Variants in HMCN1 observed in about 807,000 individuals in gnomAD.
HMCN1 encodes the protein hemicentin-1.
Under a neutral mutation model 625.9 loss-of-function variants are expected in HMCN1, and 321 were observed. The observed-to-expected ratio is 0.51, with a 90% CI of 0.47 to 0.56. HMCN1 has a LOEUF of 0.56. HMCN1 is among the 20% of genes least tolerant of loss of function. The probability of loss-of-function intolerance (pLI) is 0.00; values close to 1 mark genes in which losing one functional copy is unlikely to be tolerated. For synonymous variants in HMCN1, 2,425 were observed against 2,417.6 expected (o/e 1.00, Z -0.09); for missense variants, 6,588 against 6,887.3 (o/e 0.96, Z 1.54).
At chr1:185,832,082 G>A (rs1571417264) in intron 1 of HMCN1, among the ~76,000 whole-genome samples, 1 of 152,046 alleles carries the variant, frequency 6.6e-6, no homozygotes, top group African/African-American at 2.4e-5. Context: ...GATCTCTTGA[G>A]GTCGGAAGTT....
intron 1 of HMCN1, among the ~76,000 whole-genome samples, chr1:185,792,280 C>G (rs542950290): frequency 1.3e-5 from 2 of 152,134 alleles, no homozygotes; most frequent in Non-Finnish European, 2.9e-5. Flanking sequence ...ACTGTATTCC[C>G]AATCACAGAC....
At chr1:185,778,318 G>A (rs928911077) in intron 1 of HMCN1, among the ~76,000 whole-genome samples, 23 of 151,636 alleles carry the variant, frequency 1.5e-4, no homozygotes, top group African/African-American at 4.4e-4. Flanking sequence ...CCATTCCCTC[G>A]GAAAATTGTG....
Position 185,989,546 on chromosome 1 carries a change from T to C in HMCN1, c.3107T>C (p.Leu1036Pro). ...TTTTCAGCAGGAGCTGATGGTAGTCTGTATGTGGTATCACCTGGAGGAGAG... is the reference window on the plus strand; with the variant it reads ...TTTTCAGCAGGAGCTGATGGTAGTCCGTATGTGGTATCACCTGGAGGAGAG... ...AKFSAGADGSLYVVSPGGEES... is the reference protein window; with the variant it reads ...AKFSAGADGSPYVVSPGGEES... Residue 1036 changes from leucine (L) to proline (P), a missense_variant, in exon 21 of 107, where the codon CTG (leucine) becomes CCG (proline). Transcript: ENST00000271588. 3 of 1,614,070 alleles carry C rather than the reference T, an allele frequency of 1.9e-6. No homozygotes were observed. Among genetic ancestry groups the C allele is most frequent in the South Asian group, 2.2e-5 (2 of 91,078 alleles).
At chr1:185,897,810 G>A (rs1665572044) in intron 4 of HMCN1, among the ~76,000 whole-genome samples, 1 of 152,054 alleles carries the variant, frequency 6.6e-6, no homozygotes, top group South Asian at 2.1e-4. Flanking sequence ...TTGTTAGCTA[G>A]CTTTTAAGAG....
intron 10 of HMCN1, among the ~76,000 whole-genome samples, chr1:185,931,028 A>G (rs1667521188): frequency 6.6e-6 from 1 of 152,092 alleles, no homozygotes; most frequent in Non-Finnish European, 1.5e-5. Context: ...ACCTTAAATT[A>G]TAATTACAGA....
intron 4 of HMCN1, among the ~76,000 whole-genome samples, chr1:185,868,469 A>T (rs951700802): frequency 6.6e-6 from 1 of 152,086 alleles, no homozygotes; most frequent in Non-Finnish European, 1.5e-5. Context: ...TTTTCTCATG[A>T]TAGTGAGTGA....
chr1:186,170,411 C>T (rs752641352), intron 100 of HMCN1, among the ~76,000 whole-genome samples: 29 of 152,074 alleles, frequency 1.9e-4, no homozygotes, highest in Admixed American at 6.6e-4. Context: ...GATCTAGAAC[C>T]AGAAACACCA....
chr1:186,069,876 A>G, intron 51 of HMCN1, 100 bp downstream of exon 51: 1 of 760,666 alleles, frequency 1.3e-6, no homozygotes, highest in Non-Finnish European at 2.3e-6. Flanking sequence ...TATACTCACC[A>G]TTAAAGACTT....
intron 29 of HMCN1, among the ~76,000 whole-genome samples, 169 bp downstream of exon 29, chr1:186,004,013 T>C (rs1653376903): frequency 6.6e-6 from 1 of 152,158 alleles, no homozygotes; most frequent in African/African-American, 2.4e-5. Context: ...CTTGTAATTT[T>C]TTCATTCTTT....
At position 186,166,824 on chromosome 1, in the gene HMCN1, T is replaced by C; in HGVS notation, c.15456T>C (p.Ala5152=). The change falls in exon 100 of 107, where the codon GCT becomes GCC. Residue 5152 remains alanine, a synonymous_variant. Coordinates refer to ENST00000271588, the MANE Select transcript of HMCN1 (RefSeq NM_031935.3). ...CTGTTGCAGATATTGATGAGTGTGCTTTGGGTAGGCATACCTGCCACGCTG... is the reference window on the plus strand; with the variant it reads ...CTGTTGCAGATATTGATGAGTGTGCCTTGGGTAGGCATACCTGCCACGCTG... The part of the protein sequence containing the change: ...GRTCQDIDEC[A]LGRHTCHAGQ... 1 of 1,614,186 alleles carries C rather than the reference T, an allele frequency of 6.2e-7. No individual in the cohort carries two copies. The highest frequency in any genetic ancestry group is 8.5e-7 in the Non-Finnish European group (1 of 1,180,020).
rs1231659344 is a variant in HMCN1 at position 186,038,843 on chromosome 1, A to G, written c.5866A>G (p.Lys1956Glu). 4 of 1,602,138 alleles carry G rather than the reference A, an allele frequency of 2.5e-6. No individual in the cohort carries two copies. Among genetic ancestry groups the G allele is most frequent in the Non-Finnish European group, 3.4e-6 (4 of 1,169,358 alleles). The change falls in exon 38 of 107, where the codon AAA becomes GAA. Residue 1956 changes from lysine to glutamate, a missense_variant. Physicochemically the swap from Lys to Glu is moderately conservative, Grantham distance 56. Transcript: ENST00000271588. ...GNPVPVITWY[K>E]DNRLLSGSTS... ...TCTTCTTTCAGTTATTACATGGTAC[A>G]AAGATAATCGTCTACTCTCAGGTTC...
chr1:185,984,388 T>A (rs1651873993), intron 19 of HMCN1, 75 bp downstream of exon 19: 1 of 1,349,450 alleles, frequency 7.4e-7, no homozygotes, highest in African/African-American at 1.4e-5. Flanking sequence ...ATCAAATAAC[T>A]CTGTTCCTCT....
At chr1:186,126,846 T>C (rs998256801) in intron 82 of HMCN1, among the ~76,000 whole-genome samples, 1 of 152,092 alleles carries the variant, frequency 6.6e-6, no homozygotes, top group African/African-American at 2.4e-5. Flanking sequence ...AGGTGAGCAA[T>C]CTTATATGCC....
rs143315018 is a variant in HMCN1 at position 186,110,278 on chromosome 1, A to G, written c.10989+1681A>G. Among the ~76,000 whole-genome samples, 1,270 of 152,276 alleles carry G rather than the reference A, an allele frequency of 8.3e-3. 22 individuals are homozygous for G. The highest frequency in any genetic ancestry group is 0.043 in the South Asian group (206 of 4,820). On this transcript the variant is annotated intron_variant, in intron 71 of 106. Coordinates refer to ENST00000271588, the MANE Select transcript of HMCN1 (RefSeq NM_031935.3). ...GGAGGTTGACTAGAAAGCAGAGTAT[A>G]AGAGTCCCAGTTAAGTGAAAATAAA...
Position 186,070,774 on chromosome 1 carries a change from T to C in HMCN1, c.8139+17T>C. 1 of 1,613,354 alleles carries C rather than the reference T, an allele frequency of 6.2e-7. No individual in the cohort carries two copies. Among genetic ancestry groups the C allele is most frequent in the Non-Finnish European group, 8.5e-7 (1 of 1,179,440 alleles). Reference sequence around the variant, plus strand: ...GATGGACAGGCCAGTCACAACTTTTTTCATTTGCTGATGATTTCTTAAAGA... The same window carrying C: ...GATGGACAGGCCAGTCACAACTTTTCTCATTTGCTGATGATTTCTTAAAGA... On this transcript the variant is annotated intron_variant, in intron 52 of 106. Transcript: ENST00000271588.
intron 50 of HMCN1, among the ~76,000 whole-genome samples, chr1:186,068,625 T>C (rs1267392452): frequency 3.9e-5 from 6 of 152,002 alleles, no homozygotes; most frequent in African/African-American, 1.4e-4. Context: ...CCTAGCACTT[T>C]GGGAGGCTGA....
chr1:186,165,047 T>C (rs1651790089), intron 97 of HMCN1, 64 bp from the exon 98 acceptor site: 1 of 1,405,744 alleles, frequency 7.1e-7, no homozygotes, highest in South Asian at 1.2e-5. Flanking sequence ...AAGATGGTAC[T>C]GGAAAGAAGC....
chr1:185,995,031 G>A lies in HMCN1; in HGVS notation c.3722G>A (p.Cys1241Tyr). The change falls in exon 24 of 107, where the codon TGT (cysteine) becomes TAT (tyrosine). Residue 1241 changes from cysteine (C) to tyrosine (Y), a missense_variant. Physicochemically the swap from Cys to Tyr is radical, Grantham distance 194 (BLOSUM62 -2). Coordinates refer to ENST00000271588, the MANE Select transcript of HMCN1 (RefSeq NM_031935.3). ...CCCTCAGATGCTGGCATATATACATGTGTTGCTACTAACATAGCAGGCACT... is the reference window on the plus strand; with the variant it reads ...CCCTCAGATGCTGGCATATATACATATGTTGCTACTAACATAGCAGGCACT... ...ATPSDAGIYT[C>Y]VATNIAGTDE... 1 of 1,613,756 alleles carries A rather than the reference G, an allele frequency of 6.2e-7. No individual in the cohort carries two copies.
intron 11 of HMCN1, among the ~76,000 whole-genome samples, chr1:185,938,556 C>T (rs943029180): frequency 1.3e-5 from 2 of 151,964 alleles, no homozygotes; most frequent in Non-Finnish European, 2.9e-5. Flanking sequence ...TTTCCTTATT[C>T]CCTAGATCTC....
Sources: allele counts gnomAD v4.1 joint callset (sites outside exome capture counted in the v4.1 genomes callset), GRCh38; gene constraint gnomAD v4.1.1; transcripts MANE v1.5; gene names NCBI Gene and HGNC (gene_info 2026-07-23, HGNC 2026-07-21).